The following METTL21A variants were observed in gnomAD, a reference collection of about 807,000 sequenced individuals.
The protein encoded by METTL21A is methyltransferase 21A, HSPA lysine.
METTL21A carries 22 observed loss-of-function variants against 20.9 expected under a neutral mutation model. The observed-to-expected ratio is 1.05, with a 90% CI of 0.75 to 1.50. METTL21A has a LOEUF of 1.50. Ranked by LOEUF, METTL21A falls within the 40% of genes most tolerant of loss-of-function variation. The probability of loss-of-function intolerance (pLI) is 0.00; values close to 1 mark genes in which losing one functional copy is unlikely to be tolerated. For missense variants in METTL21A, 271 were observed against 266.8 expected (o/e 1.02, Z -0.11); for synonymous variants, 93 against 102.0 (o/e 0.91, Z 0.53).
At chr2:207,610,723 G>T (rs2088763409), downstream of METTL21A, 1 of 19,680 alleles carries the variant, frequency 5.1e-5, no homozygotes, top group African/African-American at 2.4e-4. Flanking sequence ...GGGCTCCTCT[G>T]CCCGGCCGCC....
intron 3 of METTL21A, among the ~76,000 whole-genome samples, chr2:207,588,251 TTA>T (rs1313283804): frequency 6.6e-6 from 1 of 152,216 alleles, no homozygotes; most frequent in Non-Finnish European, 1.5e-5. Flanking sequence ...ATCCATTTTT[TTA>T]TATAGGAACA....
chr2:207,588,186 G>T (rs1242519751), intron 3 of METTL21A, among the ~76,000 whole-genome samples: 1 of 152,128 alleles, frequency 6.6e-6, no homozygotes, highest in Non-Finnish European at 1.5e-5. Context: ...TTTATATTTA[G>T]ATCTATAATT....
chr2:207,589,735 G>C (rs2084600243), intron 3 of METTL21A, among the ~76,000 whole-genome samples: 1 of 152,042 alleles, frequency 6.6e-6, no homozygotes, highest in African/African-American at 2.4e-5. Context: ...TCTCTTATTT[G>C]GTCTGTTATT....
chr2:207,619,809 G>GC (rs1219855624), intron 3 of METTL21A, among the ~76,000 whole-genome samples: 5 of 152,128 alleles, frequency 3.3e-5, no homozygotes, highest in African/African-American at 1.2e-4. Flanking sequence ...CACTCGTGGA[G>GC]CACTTCCTTT....
At chr2:207,598,728 T>C (rs900464131) in intron 3 of METTL21A, 22 of 164,442 alleles carry the variant, frequency 1.3e-4, no homozygotes, top group African/African-American at 4.3e-4. Flanking sequence ...GCGCCTGTAA[T>C]CCCAGCTACT....
intron 2 of METTL21A, 125 bp downstream of exon 2, chr2:207,624,104 C>T: frequency 2.5e-6 from 3 of 1,196,864 alleles, no homozygotes; most frequent in Non-Finnish European, 3.5e-6. Flanking sequence ...GAATTGTGCA[C>T]TTTAAATAGG....
intron 3 of METTL21A, among the ~76,000 whole-genome samples, chr2:207,584,164 ATATC>A (rs2083405866): frequency 6.6e-6 from 1 of 152,204 alleles, no homozygotes; most frequent in South Asian, 2.1e-4. Context: ...ACATGAGTAA[ATATC>A]TAGGAGTAGG....
chr2:207,583,448 T>C (rs1246707708), intron 3 of METTL21A, among the ~76,000 whole-genome samples: 2 of 152,214 alleles, frequency 1.3e-5, no homozygotes, highest in Non-Finnish European at 2.9e-5. Context: ...GAATTGATAA[T>C]ATGTACCATT....
chr2:207,618,001 T>C (rs1048377164), intron 3 of METTL21A, among the ~76,000 whole-genome samples: 3 of 152,184 alleles, frequency 2.0e-5, no homozygotes, highest in Admixed American at 6.5e-5. Flanking sequence ...AGATACCATT[T>C]GAGGTGCTGG....
At chr2:207,603,226 G>A (rs1575076822) in intron 3 of METTL21A, 1 of 218,414 alleles carries the variant, frequency 4.6e-6, no homozygotes, top group African/African-American at 2.2e-5. Flanking sequence ...GAGTTACAAT[G>A]CATTTTATTA....
At chr2:207,587,317 C>A (rs1307692941) in intron 3 of METTL21A, among the ~76,000 whole-genome samples, 1 of 150,616 alleles carries the variant, frequency 6.6e-6, no homozygotes, top group South Asian at 2.1e-4. Flanking sequence ...GGCGTGAACC[C>A]GGAAGGCAGA....
chr2:207,614,296 G>A (rs1226907132), intron 3 of METTL21A, among the ~76,000 whole-genome samples: 9 of 151,950 alleles, frequency 5.9e-5, no homozygotes, highest in African/African-American at 1.5e-4. Context: ...CTCAGGAGGC[G>A]GAGGTGGGAT....
At chr2:207,586,051 T>C (rs181198280) in intron 3 of METTL21A, among the ~76,000 whole-genome samples, 156 of 152,234 alleles carry the variant, frequency 1.0e-3, no homozygotes, top group African/African-American at 3.6e-3. Context: ...CAAAAAGGCC[T>C]TTCTAAGACA....
chr2:207,581,008 G>A (rs1040151871), downstream of METTL21A: 9 of 218,344 alleles, frequency 4.1e-5, no homozygotes, highest in African/African-American at 1.8e-4. Flanking sequence ...CCTACAGGAA[G>A]TGGAGAGTGA....
chr2:207,583,719 T>G (rs1411230623), intron 3 of METTL21A, among the ~76,000 whole-genome samples: 1 of 152,228 alleles, frequency 6.6e-6, no homozygotes, highest in African/African-American at 2.4e-5. Context: ...CTGTATAGTT[T>G]TATGGGTTTT....
exon 4 of METTL21A, chr2:207,581,704 A>T (rs114238214): frequency 1.7e-6 from 1 of 587,048 alleles, no homozygotes; most frequent in Non-Finnish European, 3.0e-6. Context: ...TATATTACAT[A>T]ACCAGGGTAC....
At chr2:207,609,645 T>C (rs2088639342), downstream of METTL21A, 1 of 152,190 alleles carries the variant, frequency 6.6e-6, no homozygotes. Context: ...TTAAAACTTT[T>C]AATGTCATCC....
Position 207,597,321 on chromosome 2 carries a change from CAAG to C in METTL21A, c.260-15164_260-15162del. 3 of 362,938 alleles carry C rather than the reference CAAG, an allele frequency of 8.3e-6. No individual in the cohort carries two copies. The South Asian group carries it at 2.0e-4, about 24-fold the overall frequency. The allele number at this position is 362,938 out of a possible 1,614,324, so 22.5% of individuals were successfully genotyped here. ...TCTGCTTTTCAACCCCCACCCTCCT[CAAG>C]AAGTAATAATTTGTTTACTTGTAAA... On this transcript the variant is annotated intron_variant, in intron 3 of 3. Transcript: ENST00000425132.
At chr2:207,596,591 A>C (rs968706502) in intron 3 of METTL21A, among the ~76,000 whole-genome samples, 1 of 152,054 alleles carries the variant, frequency 6.6e-6, no homozygotes, top group Admixed American at 6.6e-5. Context: ...GTGCCGCCAC[A>C]CCCCGCTAAT....
Sources: allele counts gnomAD v4.1 joint callset (sites outside exome capture counted in the v4.1 genomes callset), GRCh38; gene constraint gnomAD v4.1.1; transcripts MANE v1.5; gene names NCBI Gene and HGNC (gene_info 2026-07-23, HGNC 2026-07-21).